Variants in LOC102723971 observed in about 807,000 individuals in gnomAD.
the LOC102723971 span, among the ~76,000 whole-genome samples, chr9:135,618,551 G>A: frequency 6.6e-6 from 1 of 151,992 alleles, no homozygotes; most frequent in Admixed American, 6.6e-5. Context: ...TGGGAGTGGG[G>A]GCTAGAGCAA....
chr9:135,618,098 G>A, the LOC102723971 span: 1 of 398,490 alleles, frequency 2.5e-6, no homozygotes, highest in Non-Finnish European at 4.4e-6. Flanking sequence ...AGGGCCTGAG[G>A]GTCTGGGGCC....
the LOC102723971 span, among the ~76,000 whole-genome samples, chr9:135,615,835 A>G: frequency 8.5e-5 from 13 of 152,108 alleles, 1 homozygote; most frequent in Admixed American, 2.0e-4. Context: ...CAAGGACCAC[A>G]GCCACCCTGG....
the LOC102723971 span, among the ~76,000 whole-genome samples, chr9:135,616,100 C>A: frequency 6.6e-5 from 10 of 152,212 alleles, no homozygotes; most frequent in African/African-American, 2.4e-4. Flanking sequence ...AAATGAGAAA[C>A]TGAAGACCCC....
the LOC102723971 span, chr9:135,617,033 C>T: frequency 2.5e-6 from 1 of 398,672 alleles, no homozygotes; most frequent in Non-Finnish European, 4.4e-6. Flanking sequence ...GGCCAGCTCT[C>T]CCCAGCACTG....
chr9:135,617,612 G>A, the LOC102723971 span, among the ~76,000 whole-genome samples: 2 of 152,202 alleles, frequency 1.3e-5, no homozygotes, highest in African/African-American at 4.8e-5. Context: ...GGTGGCACCA[G>A]GCCGGAACTT....
the LOC102723971 span, chr9:135,616,592 A>G: frequency 2.5e-6 from 1 of 398,700 alleles, no homozygotes; most frequent in East Asian, 3.6e-5. Flanking sequence ...CCCAGGGGAG[A>G]AGGGGTGTGT....
chr9:135,615,724 C>T, the LOC102723971 span, among the ~76,000 whole-genome samples: 1 of 152,198 alleles, frequency 6.6e-6, no homozygotes. Context: ...GCCCACTGGG[C>T]CACGGGCCTG....
the LOC102723971 span, among the ~76,000 whole-genome samples, chr9:135,619,834 G>A: frequency 5.3e-5 from 8 of 150,452 alleles, no homozygotes; most frequent in South Asian, 1.3e-3. Context: ...CCCCGAAAAC[G>A]CCTCCAGTGA....
At chr9:135,617,571 C>G in the LOC102723971 span, among the ~76,000 whole-genome samples, 1 of 152,058 alleles carries the variant, frequency 6.6e-6, no homozygotes, top group South Asian at 2.1e-4. Flanking sequence ...CCGAGAGGCC[C>G]CAGGGCCAAG....
the LOC102723971 span, chr9:135,615,264 C>T: frequency 2.3e-5 from 9 of 393,580 alleles, no homozygotes; most frequent in African/African-American, 4.3e-5. Context: ...GGGCACTAGC[C>T]GGCCTCTCCC....
the LOC102723971 span, chr9:135,617,840 C>T: frequency 3.8e-5 from 15 of 396,222 alleles, no homozygotes; most frequent in African/African-American, 1.0e-4. Context: ...GTGGGGTGGC[C>T]GATGCCCAGG....
the LOC102723971 span, among the ~76,000 whole-genome samples, chr9:135,619,857 C>A: frequency 7.4e-6 from 1 of 134,580 alleles, no homozygotes; most frequent in African/African-American, 2.8e-5. Flanking sequence ...CCTTCTCCCC[C>A]TTCTCCCCCT....
the LOC102723971 span, among the ~76,000 whole-genome samples, chr9:135,617,254 C>T: frequency 6.6e-6 from 1 of 152,198 alleles, no homozygotes; most frequent in African/African-American, 2.4e-5. Flanking sequence ...GCACTGCGGG[C>T]CTGCTACAAG....
chr9:135,616,415 CT>C, the LOC102723971 span, among the ~76,000 whole-genome samples: 1 of 152,302 alleles, frequency 6.6e-6, no homozygotes, highest in African/African-American at 2.4e-5. Context: ...CAGGACGAGG[CT>C]GCCCTTGAGT....
the LOC102723971 span, among the ~76,000 whole-genome samples, chr9:135,618,552 G>C: frequency 6.6e-6 from 1 of 152,024 alleles, no homozygotes; most frequent in Non-Finnish European, 1.5e-5. Flanking sequence ...GGGAGTGGGG[G>C]CTAGAGCAAG....
At chr9:135,618,494 G>A in the LOC102723971 span, among the ~76,000 whole-genome samples, 1 of 152,154 alleles carries the variant, frequency 6.6e-6, no homozygotes, top group Non-Finnish European at 1.5e-5. Context: ...TTACATTGCA[G>A]CAAGCATTGT....
chr9:135,615,703 C>T, the LOC102723971 span, among the ~76,000 whole-genome samples: 1 of 152,220 alleles, frequency 6.6e-6, no homozygotes, highest in East Asian at 1.9e-4. Flanking sequence ...ACGTCCAGTC[C>T]CAGCAGACAC....
At chr9:135,616,708 G>C in the LOC102723971 span, 1 of 398,668 alleles carries the variant, frequency 2.5e-6, no homozygotes, top group Non-Finnish European at 4.4e-6. Flanking sequence ...GTGGGGAGGG[G>C]CGAGCAAGGG....
chr9:135,615,427 C>T, the LOC102723971 span: 1 of 398,814 alleles, frequency 2.5e-6, no homozygotes, highest in Non-Finnish European at 4.4e-6. Context: ...CCCCGGCCGA[C>T]CCCCTGAGGC....
Sources: gnomAD v4.1 joint callset for allele counts (sites outside exome capture counted in the v4.1 genomes callset) on GRCh38, gnomAD v4.1.1 for gene constraint, MANE v1.5 for transcripts.